The following RIMS1 variants were observed in gnomAD, a reference collection of about 807,000 sequenced individuals.
RIMS1 encodes the protein regulating synaptic membrane exocytosis protein 1.
A neutral mutation model predicts 214.1 loss-of-function variants in RIMS1; 83 were observed. That is an observed-to-expected ratio of 0.39 (90% CI 0.32 to 0.47). The LOEUF is 0.47. Among genes scored for constraint, RIMS1 ranks in the 20% least tolerant of loss-of-function variants. The probability of loss-of-function intolerance (pLI) is 0.99; values close to 1 mark genes in which losing one functional copy is unlikely to be tolerated. For synonymous variants in RIMS1, 793 were observed against 786.8 expected (o/e 1.01, Z -0.13); for missense variants, 2,050 against 2,161.8 (o/e 0.95, Z 1.03).
chr6:72,327,312 A>G (rs77443572), intron 28 of RIMS1, among the ~76,000 whole-genome samples: 2,698 of 151,702 alleles, frequency 0.018, 86 homozygotes, highest in African/African-American at 0.063. Context: ...ACCAGATCTC[A>G]TTTTCCATAC....
At chr6:72,308,805 A>G (rs1467997137) in intron 27 of RIMS1, among the ~76,000 whole-genome samples, 1 of 152,104 alleles carries the variant, frequency 6.6e-6, no homozygotes, top group Non-Finnish European at 1.5e-5. Context: ...AGTATTGCCT[A>G]TTTCAGCTCC....
At chr6:72,352,871 A>G (rs1310271924) in intron 29 of RIMS1, among the ~76,000 whole-genome samples, 1 of 151,876 alleles carries the variant, frequency 6.6e-6, no homozygotes, top group African/African-American at 2.4e-5. Context: ...ACCACTTACT[A>G]TGAATTCTGT....
intron 28 of RIMS1, among the ~76,000 whole-genome samples, chr6:72,318,149 AT>A (rs1318674922): frequency 6.6e-6 from 1 of 152,060 alleles, no homozygotes; most frequent in Non-Finnish European, 1.5e-5. Flanking sequence ...GCTAGGTTTA[AT>A]TTTTTTCTGA....
At chr6:72,197,139 C>G (rs1211471674) in intron 6 of RIMS1, among the ~76,000 whole-genome samples, 6 of 152,094 alleles carry the variant, frequency 3.9e-5, no homozygotes, top group African/African-American at 1.4e-4. Flanking sequence ...TAAAGTTGAG[C>G]TTCACACCTC....
At chr6:71,991,263 T>TAA (rs964087750) in intron 2 of RIMS1, among the ~76,000 whole-genome samples, 5 of 147,556 alleles carry the variant, frequency 3.4e-5, no homozygotes, top group African/African-American at 1.2e-4. Context: ...TCTTTTTAAT[T>TAA]AAAAAAAAAA....
rs972567349 is a variant in RIMS1, at chr6:72,222,069, T to G, written c.1679-11704T>G. 8.6e-5 allele frequency among the ~76,000 whole-genome samples: 13 copies of G among 152,010 alleles called. 1 individual carries two copies. Among genetic ancestry groups the G allele is most frequent in the Admixed American group, 3.3e-4 (5 of 15,258 alleles). On this transcript the variant is annotated intron_variant, in intron 6 of 33. Coordinates refer to ENST00000521978, the MANE Select transcript of RIMS1 (RefSeq NM_014989.7). ...CGTTTTGTTATGGATTTATAAAAAA[T>G]TATAAAATATGAAAAATTGACTTTT...
rs2048525743 is a variant in RIMS1, at chr6:72,182,489, G to C, written c.1018G>C (p.Ala340Pro). ...GGAAAAACGGGATGAGGGCAAAGCGGCGGATGAGGAAAAGCAAAGAAAAGA... is the reference window on the plus strand; with the variant it reads ...GGAAAAACGGGATGAGGGCAAAGCGCCGGATGAGGAAAAGCAAAGAAAAGA... ...TPEKRDEGKA[A>P]DEEKQRKEED... Residue 340 changes from alanine to proline, a missense_variant, in exon 6 of 34, where the codon GCG becomes CCG. Coordinates refer to ENST00000521978, the MANE Select transcript of RIMS1 (RefSeq NM_014989.7). 1 of 1,610,176 alleles carries C rather than the reference G, an allele frequency of 6.2e-7. No homozygotes were observed. The highest frequency in any genetic ancestry group is 8.5e-7 in the Non-Finnish European group (1 of 1,178,038).
chr6:72,096,193 C>T (rs1364494547), intron 2 of RIMS1, among the ~76,000 whole-genome samples: 2 of 152,166 alleles, frequency 1.3e-5, no homozygotes, highest in Non-Finnish European at 2.9e-5. Context: ...AAGCTTCATA[C>T]ATATTACCTG....
chr6:72,203,025 G>A, intron 6 of RIMS1, among the ~76,000 whole-genome samples: 1 of 151,888 alleles, frequency 6.6e-6, no homozygotes, highest in Non-Finnish European at 1.5e-5. Flanking sequence ...GTCTCCCTCT[G>A]TCGCCAGGCC....
At chr6:72,265,357 T>C (rs1329375484) in intron 20 of RIMS1, 33 bp from the exon 21 acceptor site, 2 of 1,143,504 alleles carry the variant, frequency 1.7e-6, no homozygotes, top group African/African-American at 3.1e-5. Flanking sequence ...TAATTTATTT[T>C]ATTTTATTTT....
At chr6:72,010,118 AAAGCTT>A (rs1392972214) in intron 2 of RIMS1, among the ~76,000 whole-genome samples, 1 of 152,210 alleles carries the variant, frequency 6.6e-6, no homozygotes, top group Non-Finnish European at 1.5e-5. Flanking sequence ...AACACATCAA[AAAGCTT>A]ATCCACCATG....
At chr6:71,908,154 T>A (rs376591391) in intron 1 of RIMS1, among the ~76,000 whole-genome samples, 34 of 152,296 alleles carry the variant, frequency 2.2e-4, no homozygotes, top group African/African-American at 6.7e-4. Context: ...GCTTTTAGTT[T>A]CTGTTTTTAT....
intron 1 of RIMS1, among the ~76,000 whole-genome samples, chr6:71,919,103 GAAGA>G (rs1779251844): frequency 6.6e-6 from 1 of 152,134 alleles, no homozygotes; most frequent in Non-Finnish European, 1.5e-5. Flanking sequence ...ATTGGAGGAG[GAAGA>G]GTTTGGGGAA....
intron 1 of RIMS1, among the ~76,000 whole-genome samples, chr6:71,900,482 A>G (rs896085521): frequency 1.3e-5 from 2 of 152,130 alleles, no homozygotes; most frequent in African/African-American, 4.8e-5. Flanking sequence ...AGCAGATTAG[A>G]TGAAGTCCTG....
rs902086447 is a variant in RIMS1 at position 71,992,464 on chromosome 6, T to G, written c.245+23401T>G. ...TTTCTTTCTTTCTCTTTCTCTTTCT[T>G]TCTCCTTTCTTCCTTCCTTCCTTCC... On this transcript the variant is annotated intron_variant, in intron 2 of 33. Coordinates refer to ENST00000521978, the MANE Select transcript of RIMS1 (RefSeq NM_014989.7). Among the ~76,000 whole-genome samples the G allele has an allele frequency of 1.7e-4, 25 of 144,428 alleles. 1 individual carries two copies. The highest frequency in any genetic ancestry group is 6.3e-4 in the African/African-American group (25 of 39,526). 94.8% of individuals were successfully genotyped at this position (144,428 alleles called of 152,430 possible). A position where few individuals can be genotyped will look rare whatever the true frequency, so the allele number is the denominator to read the frequency against.
chr6:72,071,410 A>G (rs564037588), intron 2 of RIMS1, among the ~76,000 whole-genome samples: 14 of 152,318 alleles, frequency 9.2e-5, no homozygotes, highest in Admixed American at 2.6e-4. Context: ...TCTTTAAAAA[A>G]CAAAGAAAGA....
chr6:72,316,616 G>A, intron 28 of RIMS1: 2 of 460,492 alleles, frequency 4.3e-6, no homozygotes, highest in South Asian at 3.7e-5. Flanking sequence ...CACCAAGAGA[G>A]CAACCAGCCT....
chr6:72,398,740 T>C (rs1195419456), intron 32 of RIMS1, among the ~76,000 whole-genome samples: 1 of 152,166 alleles, frequency 6.6e-6, no homozygotes, highest in East Asian at 1.9e-4. Context: ...CAAATAACTT[T>C]GTATACATTG....
chr6:71,992,892 C>T (rs1454007175), intron 2 of RIMS1, among the ~76,000 whole-genome samples: 1 of 152,150 alleles, frequency 6.6e-6, no homozygotes, highest in Non-Finnish European at 1.5e-5. Flanking sequence ...AACTCCTAGG[C>T]TCCAGCACTC....
Sources: allele counts gnomAD v4.1 joint callset (sites outside exome capture counted in the v4.1 genomes callset), GRCh38; gene constraint gnomAD v4.1.1; transcripts MANE v1.5; gene names NCBI Gene and HGNC (gene_info 2026-07-23, HGNC 2026-07-21).